MEMO1: variants seen among roughly 807,000 people sequenced by gnomAD.
MEMO1 encodes the protein mediator of cell motility 1.
In MEMO1, 6 loss-of-function variants were observed where a neutral mutation model predicts 45.2. That is an observed-to-expected ratio of 0.13 (90% CI 0.07 to 0.26). The LOEUF (loss-of-function observed/expected upper bound fraction) is 0.26. MEMO1 is among the 10% of genes least tolerant of loss of function. MEMO1 has a pLI of 1.00. For synonymous variants in MEMO1, 78 were observed against 124.3 expected, an observed-to-expected ratio of 0.63 and a Z score of 2.48; for missense variants, 184 against 370.5, an observed-to-expected ratio of 0.50 and a Z score of 4.13.
chr2:31,899,272 T>C (rs997306675), intron 6 of MEMO1, among the ~76,000 whole-genome samples: 1 of 152,184 alleles, frequency 6.6e-6, no homozygotes, highest in African/African-American at 2.4e-5. Context: ...TCATGCTACC[T>C]GATTTCAAAC....
chr2:31,929,289 T>C (rs1404942945), intron 4 of MEMO1, among the ~76,000 whole-genome samples: 2 of 152,202 alleles, frequency 1.3e-5, no homozygotes, highest in Non-Finnish European at 2.9e-5. Flanking sequence ...ACTATGATTT[T>C]TATTATTTTT....
rs540890279 is a variant in MEMO1, at chr2:31,927,183, G to A, written c.212+4884C>T. Reference sequence around the variant, plus strand: ...AAAAATTCAAAAATTAGCTGGGCATGGTGGCGTTCGCCTGTAGTCCCAGCT... The same window carrying A: ...AAAAATTCAAAAATTAGCTGGGCATAGTGGCGTTCGCCTGTAGTCCCAGCT... On this transcript the variant is annotated intron_variant, in intron 4 of 9. Coordinates refer to ENST00000404530, the MANE Select transcript of MEMO1 (RefSeq NM_001301833.4). Among the ~76,000 whole-genome samples the A allele has an allele frequency of 4.6e-4, 70 of 152,162 alleles. 1 individual carries two copies. The highest frequency in any genetic ancestry group is 4.3e-3 in the Admixed American group (65 of 15,278).
At chr2:31,961,632 G>C (rs912449232) in intron 2 of MEMO1, among the ~76,000 whole-genome samples, 1 of 151,476 alleles carries the variant, frequency 6.6e-6, no homozygotes, top group Admixed American at 6.6e-5. Context: ...AAAAAAACTA[G>C]CTAGGCATGG....
At chr2:31,898,481 G>T (rs1052416481) in intron 6 of MEMO1, among the ~76,000 whole-genome samples, 2 of 152,216 alleles carry the variant, frequency 1.3e-5, no homozygotes, top group Non-Finnish European at 2.9e-5. Flanking sequence ...TTACCCAGTA[G>T]TCATGCAGGA....
intron 6 of MEMO1, among the ~76,000 whole-genome samples, chr2:31,904,148 A>T (rs1332327096): frequency 6.6e-6 from 1 of 152,216 alleles, no homozygotes; most frequent in East Asian, 1.9e-4. Flanking sequence ...CCTGAGAGTT[A>T]ACATAGCTAG....
Position 32,010,179 on chromosome 2 carries a change from G to T in MEMO1, c.61+8C>A. 1.4e-6 allele frequency: 2 copies of T among 1,423,566 alleles called. No homozygotes were observed. Among genetic ancestry groups the T allele is most frequent in the East Asian group, 3.2e-5 (1 of 31,434 alleles). 88.2% of individuals were successfully genotyped at this position (1,423,566 alleles called of 1,614,324 possible). On this transcript the variant is annotated splice_region_variant and intron_variant, in intron 2 of 9. Coordinates refer to ENST00000404530, the MANE Select transcript of MEMO1 (RefSeq NM_001301833.4). ...GGCGGCGGGCGGGCCGGCGGCCTGG[G>T]GCCCTACCTGAGGCTGTGTACCAGC...
intron 6 of MEMO1, among the ~76,000 whole-genome samples, chr2:31,898,373 A>C (rs951135421): frequency 2.6e-5 from 4 of 152,166 alleles, no homozygotes; most frequent in Non-Finnish European, 5.9e-5. Context: ...ATTTCCCTCT[A>C]AACACTACTT....
At chr2:31,883,347 A>G in intron 8 of MEMO1, 39 bp downstream of exon 8, 1 of 1,328,972 alleles carries the variant, frequency 7.5e-7, no homozygotes, top group Non-Finnish European at 1.0e-6. Context: ...TTAAAGAAAA[A>G]GCCTTAGAGC....
At chr2:32,009,608 G>A (rs1437168450) in intron 2 of MEMO1, among the ~76,000 whole-genome samples, 1 of 152,216 alleles carries the variant, frequency 6.6e-6, no homozygotes, top group Admixed American at 6.5e-5. Context: ...CTTCCTCTCC[G>A]GCTGCGGGCG....
chr2:31,980,166 T>C (rs982231301), intron 2 of MEMO1, among the ~76,000 whole-genome samples: 1 of 152,206 alleles, frequency 6.6e-6, no homozygotes, highest in African/African-American at 2.4e-5. Flanking sequence ...GCATGGTGAC[T>C]CACAACTGTA....
At chr2:31,973,808 A>T (rs1669692198) in intron 2 of MEMO1, among the ~76,000 whole-genome samples, 1 of 152,154 alleles carries the variant, frequency 6.6e-6, no homozygotes, top group African/African-American at 2.4e-5. Context: ...TTTATGGGGG[A>T]TAAGAGGAGG....
intron 2 of MEMO1, among the ~76,000 whole-genome samples, chr2:31,959,327 C>T (rs187553727): frequency 1.3e-5 from 2 of 151,914 alleles, no homozygotes; most frequent in Non-Finnish European, 2.9e-5. Context: ...AAAGTGAGTC[C>T]TGAGATACAG....
At chr2:31,893,963 T>C (rs1165069459) in intron 6 of MEMO1, among the ~76,000 whole-genome samples, 1 of 152,194 alleles carries the variant, frequency 6.6e-6, no homozygotes, top group Non-Finnish European at 1.5e-5. Context: ...ACTTGTTCTC[T>C]ATCTCCACAG....
intron 4 of MEMO1, among the ~76,000 whole-genome samples, chr2:31,924,570 T>C (rs920044762): frequency 1.3e-5 from 2 of 152,168 alleles, no homozygotes; most frequent in East Asian, 1.9e-4. Context: ...TTTGCAATGA[T>C]AGTCTGTGCA....
chr2:31,978,185 G>A (rs1393800610), intron 2 of MEMO1, among the ~76,000 whole-genome samples: 1 of 152,026 alleles, frequency 6.6e-6, no homozygotes, highest in East Asian at 1.9e-4. Context: ...TCAGGAGTTC[G>A]AGATCAGCCT....
In MEMO1 at chr2:31,883,399, T is replaced by C. The variant is rs1675700742; in HGVS notation, c.644A>G (p.His215Arg). 1.9e-6 allele frequency: 3 copies of C among 1,582,326 alleles called. No homozygotes were observed. Among genetic ancestry groups the C allele is most frequent in the Non-Finnish European group, 2.6e-6 (3 of 1,166,830 alleles). ...TGAAAGACTTACCATTTTATCTAGA[T>C]GTTCAATGGATCTATAAATCTCCCC... ...SQGEIYRSIE[H>R]LDKMGMSIIE... is the part of the protein sequence containing the mutation. Residue 215 changes from histidine (H) to arginine (R), a missense_variant, in exon 8 of 10, where the codon CAT becomes CGT. His to Arg is a conservative substitution (Grantham distance 29, BLOSUM62 0). Transcript: ENST00000404530.
intron 4 of MEMO1, among the ~76,000 whole-genome samples, chr2:31,929,606 T>G (rs1373334978): frequency 6.6e-6 from 1 of 152,246 alleles, no homozygotes; most frequent in Non-Finnish European, 1.5e-5. Context: ...TCATCAATTT[T>G]GGAATAATTT....
At chr2:31,926,288 C>G (rs1000722572) in intron 4 of MEMO1, among the ~76,000 whole-genome samples, 16 of 150,892 alleles carry the variant, frequency 1.1e-4, no homozygotes, top group African/African-American at 3.2e-4. Context: ...AGGAGGATCA[C>G]TTGAGCCTGG....
At chr2:31,936,393 A>G (rs927951477) in intron 3 of MEMO1, among the ~76,000 whole-genome samples, 5 of 152,184 alleles carry the variant, frequency 3.3e-5, no homozygotes, top group Non-Finnish European at 5.9e-5. Context: ...CTTAATACCT[A>G]CAACATTTTA....
Sources: gnomAD v4.1 joint callset for allele counts (sites outside exome capture counted in the v4.1 genomes callset) on GRCh38, gnomAD v4.1.1 for gene constraint, MANE v1.5 for transcripts, NCBI Gene and HGNC (gene_info 2026-07-23, HGNC 2026-07-21) for gene names.